FAM177A1: variants seen among roughly 807,000 people sequenced by gnomAD.
FAM177A1 encodes family with sequence similarity 177 member A1.
A neutral mutation model predicts 26.1 loss-of-function variants in FAM177A1; 22 were observed. That is an observed-to-expected ratio of 0.84 (90% CI 0.60 to 1.20). The LOEUF (loss-of-function observed/expected upper bound fraction) is 1.20, where lower values mean the gene tolerates loss of function less well. Among genes scored for constraint, FAM177A1 ranks in the 50% most tolerant of loss-of-function variants. FAM177A1 has a pLI of 0.00. For synonymous variants in FAM177A1, 95 were observed against 99.3 expected (o/e 0.96, Z 0.26); for missense variants, 296 against 291.1 (o/e 1.02, Z -0.12).
rs548868166 is a variant in FAM177A1, at chr14:35,063,660, G to A, written c.339+10209G>A. ...AATAACAAATCTAGTCCTGCACCCA[G>A]ATTTAGTATCATTTTAGAGTTTATA... On this transcript the variant is annotated intron_variant, in intron 2 of 4. Transcript: ENST00000280987. Among the ~76,000 whole-genome samples the A allele has an allele frequency of 2.0e-5, 3 of 152,224 alleles. No individual in the cohort carries two copies. In the East Asian group the frequency reaches 5.8e-4, roughly 29 times the overall value.
At chr14:35,070,114 C>CAAAAAAAAAAAAAA (rs746133319) in intron 2 of FAM177A1, among the ~76,000 whole-genome samples, 7 of 53,856 alleles carry the variant, frequency 1.3e-4, no homozygotes, top group Non-Finnish European at 1.9e-4. Context: ...GACTCTGTCT[C>CAAAAAAAAAAAAAA]AAAAAAAAAA....
chr14:35,076,489 G>A (rs2045398671), intron 2 of FAM177A1, among the ~76,000 whole-genome samples: 1 of 151,998 alleles, frequency 6.6e-6, no homozygotes, highest in African/African-American at 2.4e-5. Context: ...TATACCTAAT[G>A]TAAATGACGA....
chr14:35,066,547 G>A (rs1294035656), intron 2 of FAM177A1, among the ~76,000 whole-genome samples: 3 of 151,544 alleles, frequency 2.0e-5, no homozygotes, highest in Non-Finnish European at 4.4e-5. Context: ...TGGGATTACA[G>A]GTGTGCGCTA....
At chr14:35,064,608 A>C (rs773792134) in intron 2 of FAM177A1, among the ~76,000 whole-genome samples, 9 of 152,172 alleles carry the variant, frequency 5.9e-5, no homozygotes, top group Non-Finnish European at 1.0e-4. Flanking sequence ...CCGAGATAGA[A>C]TAATAATTAC....
At chr14:35,049,356 AAGAT>A (rs2044926962) in intron 1 of FAM177A1, among the ~76,000 whole-genome samples, 1 of 152,234 alleles carries the variant, frequency 6.6e-6, no homozygotes, top group Admixed American at 6.5e-5. Flanking sequence ...TCTAGGCTGA[AAGAT>A]ATAGCAGTAC....
intron 3 of FAM177A1, among the ~76,000 whole-genome samples, chr14:35,077,508 C>T (rs1429639996): frequency 8.2e-6 from 1 of 121,722 alleles, no homozygotes; most frequent in African/African-American, 3.2e-5. Context: ...CGGAGTCTCG[C>T]TCTGTCGCCC....
intron 2 of FAM177A1, among the ~76,000 whole-genome samples, chr14:35,059,485 C>T (rs919079785): frequency 2.0e-5 from 3 of 148,896 alleles, no homozygotes; most frequent in East Asian, 2.0e-4. Context: ...TTCTTTTCTA[C>T]TGTTATCTTT....
intron 1 of FAM177A1, among the ~76,000 whole-genome samples, chr14:35,049,290 CAG>C: frequency 6.6e-6 from 1 of 152,278 alleles, no homozygotes; most frequent in South Asian, 2.1e-4. Context: ...CAGTACCACT[CAG>C]TGATTGATTT....
At chr14:35,046,815 C>A (rs923405619) in intron 1 of FAM177A1, 187 bp downstream of exon 1, 16 of 1,373,014 alleles carry the variant, frequency 1.2e-5, no homozygotes, top group African/African-American at 1.5e-5. Flanking sequence ...CCCCGCCTCA[C>A]TCACCAACCC....
chr14:35,056,367 A>G (rs2045061822), intron 2 of FAM177A1, among the ~76,000 whole-genome samples: 2 of 150,248 alleles, frequency 1.3e-5, no homozygotes, highest in African/African-American at 4.9e-5. Context: ...TTTTATTTTT[A>G]TTTTTTGAGA....
At chr14:35,045,386 G>A (rs2044845630), upstream of FAM177A1, among the ~76,000 whole-genome samples, 1 of 152,098 alleles carries the variant, frequency 6.6e-6, no homozygotes, top group African/African-American at 2.4e-5. Context: ...TTAGGCAGAG[G>A]GTAAGGAGAA....
At chr14:35,047,107 C>T (rs1477284372) in intron 1 of FAM177A1, 6 of 690,780 alleles carry the variant, frequency 8.7e-6, no homozygotes, top group Admixed American at 6.3e-5. Flanking sequence ...CCCATTTCAC[C>T]GCCGAGGCAA....
intron 1 of FAM177A1, chr14:35,050,712 T>C (rs1053331997): frequency 3.3e-5 from 5 of 152,338 alleles, no homozygotes; most frequent in African/African-American, 1.2e-4. Flanking sequence ...GCTGTTGCAT[T>C]GACATTAGAT....
At chr14:35,046,964 G>A (rs1240669636) in intron 1 of FAM177A1, 2 of 1,097,704 alleles carry the variant, frequency 1.8e-6, no homozygotes, top group Non-Finnish European at 2.2e-6. Context: ...GGTGAGGGCG[G>A]CTTCAACCAC....
upstream of FAM177A1, chr14:35,045,123 T>C (rs1260937104): frequency 6.6e-6 from 1 of 152,190 alleles, no homozygotes; most frequent in Non-Finnish European, 1.5e-5. Flanking sequence ...TTTCAATTTA[T>C]GGCCGAGTTT....
chr14:35,064,375 T>C (rs946071624), intron 2 of FAM177A1, among the ~76,000 whole-genome samples: 2 of 152,032 alleles, frequency 1.3e-5, no homozygotes, highest in African/African-American at 4.8e-5. Context: ...CAACAGAACA[T>C]GACTTTGTCT....
At chr14:35,072,687 A>G (rs1026650211) in intron 2 of FAM177A1, among the ~76,000 whole-genome samples, 2 of 152,100 alleles carry the variant, frequency 1.3e-5, no homozygotes, top group African/African-American at 4.8e-5. Flanking sequence ...GTCTAATGTC[A>G]GTTTCTTTTC....
At chr14:35,075,495 C>T (rs918821736) in intron 2 of FAM177A1, among the ~76,000 whole-genome samples, 2 of 152,012 alleles carry the variant, frequency 1.3e-5, no homozygotes, top group Admixed American at 1.3e-4. Context: ...CCATAAAAAC[C>T]CTAGAAGAAA....
chr14:35,061,314 C>T (rs187773377), intron 2 of FAM177A1, among the ~76,000 whole-genome samples: 136 of 152,090 alleles, frequency 8.9e-4, no homozygotes, highest in Non-Finnish European at 1.0e-3. Context: ...TCCCCTACCC[C>T]AGCCCCGCCC....
Sources: gnomAD v4.1 joint callset for allele counts (sites outside exome capture counted in the v4.1 genomes callset) on GRCh38, gnomAD v4.1.1 for gene constraint, MANE v1.5 for transcripts, NCBI Gene and HGNC (gene_info 2026-07-23, HGNC 2026-07-21) for gene names.